The following TLK1 variants were observed in gnomAD, a reference collection of about 807,000 sequenced individuals.
TLK1 encodes the protein serine/threonine-protein kinase tousled-like 1.
A neutral mutation model predicts 105.3 loss-of-function variants in TLK1; 24 were observed. That is an observed-to-expected ratio of 0.23 (90% confidence interval 0.17 to 0.32). The LOEUF (loss-of-function observed/expected upper bound fraction) is 0.32, where lower values mean the gene tolerates loss of function less well. Among genes scored for constraint, TLK1 ranks in the 10% least tolerant of loss-of-function variants. The pLI is 1.00. For synonymous variants in TLK1, 321 were observed against 310.4 expected, an observed-to-expected ratio of 1.03 and a Z score of -0.36; for missense variants, 558 against 910.5, an observed-to-expected ratio of 0.61 and a Z score of 4.98.
At chr2:171,192,523 A>C (rs1024478210) in intron 1 of TLK1, among the ~76,000 whole-genome samples, 2 of 151,654 alleles carry the variant, frequency 1.3e-5, no homozygotes, top group Admixed American at 6.6e-5. Context: ...ACTAAAAATA[A>C]AAAAAAATTA....
intron 1 of TLK1, among the ~76,000 whole-genome samples, chr2:171,157,096 A>G (rs902001812): frequency 2.0e-5 from 3 of 151,954 alleles, no homozygotes; most frequent in Admixed American, 6.6e-5. Context: ...TTGAGCCACC[A>G]CTCCTGGCCC....
rs1344032641 is a variant in TLK1, at chr2:170,991,197, CTT to C, written c.*2581_*2582del. ...ATTTTACCCTACATCAGTGCTGACT[CTT>C]AATAAAAGAGAGGCCTTGGCTATCA... On this transcript the variant is annotated 3_prime_UTR_variant, in exon 21 of 21. Coordinates refer to ENST00000431350, the MANE Select transcript of TLK1 (RefSeq NM_012290.5). 1.3e-5 allele frequency: 2 copies of C among 152,118 alleles called. No homozygotes were observed. The highest frequency in any genetic ancestry group is 4.8e-5 in the African/African-American group (2 of 41,412). The allele number at this position is 152,118 out of a possible 1,614,324, so 9.4% of individuals were successfully genotyped here.
intron 12 of TLK1, chr2:171,023,217 T>C (rs1188585116): frequency 8.5e-6 from 4 of 469,110 alleles, no homozygotes; most frequent in Non-Finnish European, 1.8e-5. Context: ...AGGTGGCATG[T>C]TGGATGTGAT....
chr2:171,084,277 T>C (rs1253289640), intron 2 of TLK1, among the ~76,000 whole-genome samples: 1 of 152,150 alleles, frequency 6.6e-6, no homozygotes, highest in African/African-American at 2.4e-5. Context: ...AGTGACTAAG[T>C]GGGAGGAGTC....
In TLK1 at chr2:170,991,118, C is replaced by A; in HGVS notation, c.*2662G>T. On this transcript the variant is annotated 3_prime_UTR_variant, in exon 21 of 21. Coordinates refer to ENST00000431350, the MANE Select transcript of TLK1 (RefSeq NM_012290.5). ...CTTACTTCCTCTCAACATGCACACA[C>A]TAAAGCAAATTCAAATCAAAGAAAG... 6.6e-6 allele frequency: 1 copy of A among 152,112 alleles called. No individual in the cohort carries two copies. 9.4% of individuals were successfully genotyped at this position (152,112 alleles called of 1,614,324 possible). A position where few individuals can be genotyped will look rare whatever the true frequency, so the allele number is the denominator to read the frequency against.
At chr2:171,047,820 T>C (rs1687031351) in intron 10 of TLK1, among the ~76,000 whole-genome samples, 1 of 152,216 alleles carries the variant, frequency 6.6e-6, no homozygotes, top group Non-Finnish European at 1.5e-5. Context: ...ATTACTTTTA[T>C]TTATTTCTCT....
chr2:170,993,668 TAAAAAA>T lies in TLK1; in HGVS notation c.*106_*111del, dbSNP rs71008739. On this transcript the variant is annotated 3_prime_UTR_variant, in exon 21 of 21. Coordinates refer to ENST00000431350, the MANE Select transcript of TLK1 (RefSeq NM_012290.5). ...AAACAGTTCTTAACCACGTCTTGTG[TAAAAAA>T]AAAAAAAAAAAAAAAAGAAAAAGAA... 6.9e-3 allele frequency: 2,960 copies of T among 431,450 alleles called. No individual in the cohort carries two copies. Among genetic ancestry groups the T allele is most frequent in the Middle Eastern group, 9.3e-3 (13 of 1,404 alleles). 26.7% of individuals were successfully genotyped at this position (431,450 alleles called of 1,614,324 possible).
chr2:171,173,587 T>A (rs1692767150), intron 1 of TLK1, among the ~76,000 whole-genome samples: 1 of 152,064 alleles, frequency 6.6e-6, no homozygotes, highest in Non-Finnish European at 1.5e-5. Flanking sequence ...AGGCAGGGTC[T>A]CACTATGTTG....
intron 3 of TLK1, among the ~76,000 whole-genome samples, chr2:171,078,063 A>C (rs1017071503): frequency 6.6e-6 from 1 of 151,972 alleles, no homozygotes; most frequent in Non-Finnish European, 1.5e-5. Context: ...ATGTAGCCTG[A>C]CCTCTTTCCT....
chr2:171,165,776 T>TGAGAGTAGTTATAACTCCTA (rs1692596756), upstream of TLK1, among the ~76,000 whole-genome samples: 1 of 152,108 alleles, frequency 6.6e-6, no homozygotes, highest in African/African-American at 2.4e-5. Flanking sequence ...CCAGGCATGG[T>TGAGAGTAGTTATAACTCCTA]GGCGCACACC....
chr2:171,218,342 T>C (rs1693751880), intron 1 of TLK1, among the ~76,000 whole-genome samples: 1 of 152,016 alleles, frequency 6.6e-6, no homozygotes, highest in Non-Finnish European at 1.5e-5. Flanking sequence ...GAAAGTAGAA[T>C]GGTGGTTGCC....
intron 2 of TLK1, among the ~76,000 whole-genome samples, chr2:171,083,839 T>C (rs1331269695): frequency 6.6e-6 from 1 of 152,202 alleles, no homozygotes; most frequent in Non-Finnish European, 1.5e-5. Flanking sequence ...CTTGAACTAA[T>C]TACAATTCAA....
chr2:171,028,874 C>T (rs1685904154), intron 11 of TLK1, among the ~76,000 whole-genome samples: 1 of 152,082 alleles, frequency 6.6e-6, no homozygotes, highest in Non-Finnish European at 1.5e-5. Flanking sequence ...CAGTAAGTGT[C>T]ATGAAGAAGG....
Position 171,056,464 on chromosome 2 carries a change from G to T in TLK1, c.549+7C>A. 2.5e-6 allele frequency: 4 copies of T among 1,609,798 alleles called. No individual in the cohort carries two copies. The South Asian group carries it at 3.3e-5, about 13-fold the overall frequency. On this transcript the variant is annotated splice_region_variant and intron_variant, in intron 6 of 20. Coordinates refer to ENST00000431350, the MANE Select transcript of TLK1 (RefSeq NM_012290.5). ...ACTACACATGAAAAACTTGAAAGAT[G>T]ACTTACAGATGAGGAAGGAGTGGAA...
Position 171,160,492 on chromosome 2 carries a change from C to T in TLK1, c.-64G>A. ...GGCAGCGGCGGCAACGGCACCGGCACCCGCCTCCGTCATGGCGGGGGCCGC... is the reference window on the plus strand; with the variant it reads ...GGCAGCGGCGGCAACGGCACCGGCATCCGCCTCCGTCATGGCGGGGGCCGC... On this transcript the variant is annotated 5_prime_UTR_variant, in exon 1 of 21. The change creates a new upstream start codon in the 5' untranslated region. Transcript: ENST00000431350. This position sits in a 1 kb window ranked among gnomAD's most constrained non-coding sequence, Gnocchi z 4.4. 1 of 1,570,858 alleles carries T rather than the reference C, an allele frequency of 6.4e-7. No homozygotes were observed. Among genetic ancestry groups the T allele is most frequent in the Non-Finnish European group, 8.6e-7 (1 of 1,163,476 alleles).
Position 171,157,843 on chromosome 2 carries a change from T to C in TLK1, c.139+2447A>G, listed in dbSNP as rs186922962. 4.5e-3 allele frequency among the ~76,000 whole-genome samples: 689 copies of C among 152,322 alleles called. 7 individuals are homozygous for C. Among genetic ancestry groups the C allele is most frequent in the African/African-American group, 0.015 (628 of 41,580 alleles). On this transcript the variant is annotated intron_variant, in intron 1 of 20. Coordinates refer to ENST00000431350, the MANE Select transcript of TLK1 (RefSeq NM_012290.5). ...CACATACATGTGTATCTCTTTTAAG[T>C]TTCAATTATTCTATTACTATATGTT...
At chr2:171,182,023 AG>A (rs1242516644) in intron 1 of TLK1, among the ~76,000 whole-genome samples, 1 of 152,226 alleles carries the variant, frequency 6.6e-6, no homozygotes, top group Non-Finnish European at 1.5e-5. Flanking sequence ...CGATCCAACC[AG>A]TGGCTTTTCA....
chr2:171,029,718 A>T (rs1168107877), intron 11 of TLK1, among the ~76,000 whole-genome samples: 2 of 152,032 alleles, frequency 1.3e-5, no homozygotes, highest in African/African-American at 4.8e-5. Context: ...TTATTACCTG[A>T]CTTTGAAAAG....
At chr2:171,230,686 C>T (rs1693979985) in intron 1 of TLK1, among the ~76,000 whole-genome samples, 2 of 151,930 alleles carry the variant, frequency 1.3e-5, no homozygotes, top group South Asian at 4.2e-4. Flanking sequence ...AACCTGGTGT[C>T]TTGGCGTATT....
Sources: allele counts gnomAD v4.1 joint callset (sites outside exome capture counted in the v4.1 genomes callset), GRCh38; gene constraint gnomAD v4.1.1; non-coding constraint Gnocchi (gnomAD v3.1); transcripts MANE v1.5; gene names NCBI Gene and HGNC (gene_info 2026-07-23, HGNC 2026-07-21).